Variants in PTPN2 observed in about 807,000 individuals in gnomAD.
PTPN2 encodes protein tyrosine phosphatase non-receptor type 2, also known as tyrosine-protein phosphatase non-receptor type 2.
A neutral mutation model predicts 57.3 loss-of-function variants in PTPN2; 19 were observed. The observed-to-expected ratio is 0.33, with a 90% CI of 0.23 to 0.49. The LOEUF (loss-of-function observed/expected upper bound fraction) is 0.49. Among genes scored for constraint, PTPN2 ranks in the 20% least tolerant of loss-of-function variants. The pLI is 0.99. For missense variants in PTPN2, 358 were observed against 501.1 expected (o/e 0.71, Z 2.73); for synonymous variants, 153 against 164.9 (o/e 0.93, Z 0.55).
At chr18:12,848,715 T>G (rs2043294525) in intron 2 of PTPN2, among the ~76,000 whole-genome samples, 1 of 152,246 alleles carries the variant, frequency 6.6e-6, no homozygotes, top group African/African-American at 2.4e-5. Context: ...CAAAAGACCT[T>G]GAGCAAGAAT....
chr18:12,850,197 C>T (rs1482296282), intron 2 of PTPN2, among the ~76,000 whole-genome samples: 1 of 151,996 alleles, frequency 6.6e-6, no homozygotes, highest in East Asian at 1.9e-4. Context: ...TAACTTTCAT[C>T]TTAAAATACT....
intron 8 of PTPN2, among the ~76,000 whole-genome samples, chr18:12,795,968 T>G (rs918952057): frequency 3.3e-5 from 5 of 151,542 alleles, no homozygotes; most frequent in Admixed American, 2.6e-4. Flanking sequence ...CCGGGCCTAG[T>G]GCACGATGGT....
rs767658797 is a variant in PTPN2, at chr18:12,836,894, G to A, written c.161-3C>T. The A allele has an allele frequency of 2.6e-6, 4 of 1,562,624 alleles. No individual in the cohort carries two copies. The South Asian group carries it at 3.4e-5, about 13-fold the overall frequency. ...CAGTTTAACACGACTGTGATCATCT[G>A]AAAATAGAGAATGATAAACCACAAC... On this transcript the variant is annotated splice_polypyrimidine_tract_variant and splice_region_variant and intron_variant, in intron 2 of 8. Coordinates refer to ENST00000309660, the MANE Select transcript of PTPN2 (RefSeq NM_002828.4).
chr18:12,798,351 T>C (rs1311260847), intron 8 of PTPN2, among the ~76,000 whole-genome samples: 2 of 152,156 alleles, frequency 1.3e-5, no homozygotes, highest in Non-Finnish European at 2.9e-5. Flanking sequence ...GATTATTTCA[T>C]CACCCAGGTA....
intron 1 of PTPN2, among the ~76,000 whole-genome samples, chr18:12,859,925 G>A (rs1326104703): frequency 6.6e-6 from 1 of 152,098 alleles, no homozygotes; most frequent in Admixed American, 6.5e-5. Flanking sequence ...GGCCGAGGCA[G>A]GCGGATTCCC....
At chr18:12,785,954 C>T in intron 9 of PTPN2, 1 of 913,348 alleles carries the variant, frequency 1.1e-6, no homozygotes, top group East Asian at 2.5e-5. Flanking sequence ...AAAAGGTGAC[C>T]AAAAATCATT....
chr18:12,793,450 A>G lies in PTPN2; in HGVS notation c.*828T>C. On this transcript the variant is annotated 3_prime_UTR_variant, in exon 9 of 9. Transcript: ENST00000309660. Reference sequence around the variant, plus strand: ...TCAATAATGGGATTTACAGAAACCAATTTCTTTACAAAGTCTTGACCAACT... The same window carrying G: ...TCAATAATGGGATTTACAGAAACCAGTTTCTTTACAAAGTCTTGACCAACT... 2 of 977,108 alleles carry G rather than the reference A, an allele frequency of 2.0e-6. No homozygotes were observed. Among genetic ancestry groups the G allele is most frequent in the Non-Finnish European group, 2.4e-6 (2 of 821,840 alleles). 60.5% of individuals were successfully genotyped at this position (977,108 alleles called of 1,614,324 possible). A position where few individuals can be genotyped will look rare whatever the true frequency, so the allele number is the denominator to read the frequency against.
chr18:12,863,550 T>TGG (rs1568161084), intron 1 of PTPN2: 2 of 56,462 alleles, frequency 3.5e-5, no homozygotes, highest in African/African-American at 1.4e-4. Flanking sequence ...CTAATTTTTT[T>TGG]TGGGGGGGGG....
Position 12,793,809 on chromosome 18 carries a change from TAA to T in PTPN2, c.*467_*468del, listed in dbSNP as rs574637878. On this transcript the variant is annotated 3_prime_UTR_variant, in exon 9 of 9. Transcript: ENST00000309660. Reference sequence around the variant, plus strand: ...ATATTTACCCTGAAATGCTTAAGAATAAAAGTGTTGATGCCCATGTCAATAGT... The same window carrying T: ...ATATTTACCCTGAAATGCTTAAGAATAAGTGTTGATGCCCATGTCAATAGT... 3.6e-5 allele frequency: 34 copies of T among 946,866 alleles called. No homozygotes were observed. The South Asian group carries it at 1.4e-3, about 40-fold the overall frequency. 58.7% of individuals were successfully genotyped at this position (946,866 alleles called of 1,614,324 possible).
chr18:12,871,108 G>T (rs2044256595), intron 1 of PTPN2, among the ~76,000 whole-genome samples: 1 of 152,028 alleles, frequency 6.6e-6, no homozygotes, highest in East Asian at 1.9e-4. Flanking sequence ...TTTGCACTTT[G>T]ATTTTTCACT....
rs1423386458 is a variant in PTPN2 at position 12,860,090 on chromosome 18, C to T, written c.70-836G>A. 6.6e-5 allele frequency among the ~76,000 whole-genome samples: 10 copies of T among 151,954 alleles called. No individual in the cohort carries two copies. The East Asian group carries it at 1.9e-3, about 29-fold the overall frequency. Reference sequence around the variant, plus strand: ...ATCACCTGAGGTCAGGAGTTTGAGACCAACCTGGCCAACAAAGCGAAACCC... The same window carrying T: ...ATCACCTGAGGTCAGGAGTTTGAGATCAACCTGGCCAACAAAGCGAAACCC... On this transcript the variant is annotated intron_variant, in intron 1 of 8. Coordinates refer to ENST00000309660, the MANE Select transcript of PTPN2 (RefSeq NM_002828.4).
intron 5 of PTPN2, chr18:12,818,892 G>A (rs527408185): frequency 3.1e-4 from 49 of 155,812 alleles, no homozygotes; most frequent in African/African-American, 1.1e-3. Context: ...TCAGGAGTTC[G>A]AGACCAACCT....
chr18:12,833,091 T>C (rs997751431), intron 3 of PTPN2, among the ~76,000 whole-genome samples: 4 of 152,186 alleles, frequency 2.6e-5, no homozygotes, highest in African/African-American at 7.2e-5. Flanking sequence ...CGCCCAGCCA[T>C]AGGTTTTTAA....
chr18:12,874,799 G>A (rs1057244682), intron 1 of PTPN2, among the ~76,000 whole-genome samples: 14 of 152,216 alleles, frequency 9.2e-5, no homozygotes, highest in Non-Finnish European at 1.9e-4. Context: ...ACCCTGTCTG[G>A]GAGGTGTGCC....
intron 4 of PTPN2, among the ~76,000 whole-genome samples, chr18:12,826,996 A>G (rs2042488766): frequency 6.6e-6 from 1 of 152,262 alleles, no homozygotes; most frequent in Non-Finnish European, 1.5e-5. Flanking sequence ...GTCATGGGAC[A>G]TTCACTTTAT....
intron 1 of PTPN2, among the ~76,000 whole-genome samples, chr18:12,861,261 G>A (rs1178796802): frequency 6.6e-6 from 1 of 152,186 alleles, no homozygotes; most frequent in East Asian, 1.9e-4. Context: ...ACTGTTATTA[G>A]CCTGCACGTG....
chr18:12,859,538 A>T (rs184566600), intron 1 of PTPN2, among the ~76,000 whole-genome samples: 2 of 152,350 alleles, frequency 1.3e-5, no homozygotes, highest in East Asian at 3.9e-4. Context: ...GGTCCTTCAG[A>T]TGCCAAAGTC....
chr18:12,845,476 G>T (rs2043179188), intron 2 of PTPN2, among the ~76,000 whole-genome samples: 1 of 152,018 alleles, frequency 6.6e-6, no homozygotes, highest in South Asian at 2.1e-4. Flanking sequence ...TTTTAATCTT[G>T]GTTTCCACGT....
chr18:12,842,706 G>C (rs531976253), intron 2 of PTPN2, among the ~76,000 whole-genome samples: 7 of 152,354 alleles, frequency 4.6e-5, no homozygotes, highest in Admixed American at 4.6e-4. Flanking sequence ...GGTTCGGAGA[G>C]TCAAGAAATC....
Sources: gnomAD v4.1 joint callset for allele counts (sites outside exome capture counted in the v4.1 genomes callset) on GRCh38, gnomAD v4.1.1 for gene constraint, MANE v1.5 for transcripts, NCBI Gene and HGNC (gene_info 2026-07-23, HGNC 2026-07-21) for gene names.